Variants in BBIP1 observed in about 807,000 individuals in gnomAD.
BBIP1 encodes BBSome interacting protein 1, also known as BBSome-interacting protein 1.
Under a neutral mutation model 8.9 loss-of-function variants are expected in BBIP1, and 6 were observed. That is an observed-to-expected ratio of 0.67 (90% CI 0.37 to 1.33). BBIP1 has a LOEUF of 1.33. BBIP1 is among the 40% of genes most tolerant of loss of function. BBIP1 has a pLI of 0.02. For synonymous variants in BBIP1, 32 were observed against 33.4 expected, an observed-to-expected ratio of 0.96 and a Z score of 0.14; for missense variants, 111 against 109.2, an observed-to-expected ratio of 1.02 and a Z score of -0.07.
intron 2 of BBIP1, chr10:110,917,835 AT>A (rs1846458860): frequency 4.3e-6 from 2 of 466,190 alleles, no homozygotes; most frequent in South Asian, 4.7e-5. Flanking sequence ...GCTATTATAT[AT>A]ATATAACATA....
At chr10:110,905,616 AT>A (rs1846114165) in intron 2 of BBIP1, among the ~76,000 whole-genome samples, 1 of 152,154 alleles carries the variant, frequency 6.6e-6, no homozygotes, top group South Asian at 2.1e-4. Flanking sequence ...GGATAACCAA[AT>A]TAAATAATGG....
At chr10:110,912,348 C>T (rs1789482444) in intron 2 of BBIP1, 2 of 152,048 alleles carry the variant, frequency 1.3e-5, no homozygotes, top group South Asian at 4.1e-4. Flanking sequence ...TAGAAATATA[C>T]AACACTTTAA....
chr10:110,919,296 C>A, upstream of BBIP1: 1 of 327,372 alleles, frequency 3.1e-6, no homozygotes, highest in Non-Finnish European at 5.5e-6. Context: ...TCACTCTACC[C>A]TGCTGGAGGC....
intron 2 of BBIP1, among the ~76,000 whole-genome samples, chr10:110,909,688 T>G (rs1846229621): frequency 6.6e-6 from 1 of 152,198 alleles, no homozygotes; most frequent in Non-Finnish European, 1.5e-5. Context: ...TGGACAGAAA[T>G]TGTGAGTTAA....
At chr10:110,905,661 T>C (rs1281415231) in intron 2 of BBIP1, among the ~76,000 whole-genome samples, 2 of 152,142 alleles carry the variant, frequency 1.3e-5, no homozygotes, top group Non-Finnish European at 2.9e-5. Context: ...GAAGTGTCCT[T>C]CTGAACTTGG....
Position 110,899,962 on chromosome 10 carries a change from G to GTATC in BBIP1, c.*394_*397dup, listed in dbSNP as rs1845946893. The GTATC allele has an allele frequency of 6.3e-6, 1 of 159,346 alleles. No homozygotes were observed. Among genetic ancestry groups the GTATC allele is most frequent in the Non-Finnish European group, 1.4e-5 (1 of 73,184 alleles). The allele number at this position is 159,346 out of a possible 1,614,324, so 9.9% of individuals were successfully genotyped here. On this transcript the variant is annotated 3_prime_UTR_variant, in exon 4 of 4. Transcript: ENST00000448814. ...CAAACACTTTATGCAAGATTGGAAT[G>GTATC]TATCTTCAAATTCAGATTTAATAAA...
At chr10:110,904,032 A>G (rs1447704360) in intron 2 of BBIP1, 1 of 152,218 alleles carries the variant, frequency 6.6e-6, no homozygotes, top group Non-Finnish European at 1.5e-5. Flanking sequence ...TACAGACAGT[A>G]TTTCCTTCTC....
intron 2 of BBIP1, among the ~76,000 whole-genome samples, chr10:110,916,329 TA>T (rs1846400919): frequency 6.6e-6 from 1 of 152,224 alleles, no homozygotes. Context: ...CATGATCAAA[TA>T]TAAGTCTAGG....
chr10:110,903,201 T>C (rs1313559054), intron 2 of BBIP1: 3 of 152,210 alleles, frequency 2.0e-5, no homozygotes, highest in African/African-American at 7.2e-5. Flanking sequence ...AAACAACTCT[T>C]AGCTGTTATA....
intron 2 of BBIP1, among the ~76,000 whole-genome samples, chr10:110,914,896 A>C (rs773860436): frequency 3.2e-4 from 49 of 152,194 alleles, no homozygotes; most frequent in Middle Eastern, 3.2e-3. Context: ...AACCCTTCCT[A>C]TTTCAAAATT....
intron 2 of BBIP1, among the ~76,000 whole-genome samples, chr10:110,917,128 C>G (rs1329966390): frequency 1.4e-5 from 2 of 147,898 alleles, no homozygotes; most frequent in Non-Finnish European, 3.0e-5. Flanking sequence ...GCCAATGTCA[C>G]AGGGGGAAAA....
rs984212075 is a variant in BBIP1 at position 110,907,697 on chromosome 10, C to T, written c.38-6085G>A. ...TTCTTAACCTCGCTTGCTTGTATAC[C>T]CCTCCGATTGTCTTCAGGCATCTTG... On this transcript the variant is annotated intron_variant, in intron 2 of 3. Transcript: ENST00000448814. 7.2e-6 allele frequency: 5 copies of T among 695,810 alleles called. No homozygotes were observed. In the Admixed American group the frequency reaches 8.2e-5, roughly 11 times the overall value. The allele number at this position is 695,810 out of a possible 1,614,324, so 43.1% of individuals were successfully genotyped here. A position where few individuals can be genotyped will look rare whatever the true frequency, so the allele number is the denominator to read the frequency against.
chr10:110,903,377 G>A (rs1846052331), intron 2 of BBIP1: 1 of 152,292 alleles, frequency 6.6e-6, no homozygotes, highest in South Asian at 2.1e-4. Context: ...ACTGTAAAGG[G>A]TGTGGAGCCA....
In BBIP1 at chr10:110,900,361, C is replaced by T. The variant is rs777989008; in HGVS notation, c.278G>A (p.Ter93=). Residue 93 remains the stop codon, a stop_retained_variant, in exon 4 of 4, where the codon TGA becomes TAA. Coordinates refer to ENST00000448814, the MANE Select transcript of BBIP1 (RefSeq NM_001195305.3). ...AEKDQRQITH[*] ...TTCCCTAAAGTGCTCAGTTATCATT[C>T]AGTGGGTTATTTGCCGTTGATCCTT... 6 of 1,533,826 alleles carry T rather than the reference C, an allele frequency of 3.9e-6. No homozygotes were observed. The South Asian group carries it at 7.2e-5, about 18-fold the overall frequency.
chr10:110,904,939 TAC>T (rs746990628), intron 2 of BBIP1: 9 of 152,228 alleles, frequency 5.9e-5, no homozygotes, highest in Non-Finnish European at 1.3e-4. Context: ...GCTCACAGAA[TAC>T]AGTGTCAATT....
At chr10:110,917,584 CA>C (rs777248700) in intron 2 of BBIP1, among the ~76,000 whole-genome samples, 2 of 152,148 alleles carry the variant, frequency 1.3e-5, no homozygotes, top group African/African-American at 2.4e-5. Context: ...AAAGACTTCA[CA>C]GGGGAAACGT....
At position 110,901,601 on chromosome 10, in the gene BBIP1, T is replaced by C. The variant is rs1027009583; in HGVS notation, c.49A>G (p.Ile17Val). The part of the protein sequence containing the change: ...KRPELSGKNT[I>V]SNNSDMAEVK... Reference sequence around the variant, plus strand: ...TCTGCCATATCTGAGTTGTTGGATATAGTGTTTTTTCCTTCAATGAGAAAT... The same window carrying C: ...TCTGCCATATCTGAGTTGTTGGATACAGTGTTTTTTCCTTCAATGAGAAAT... Residue 17 changes from isoleucine (I) to valine (V), a missense_variant, in exon 3 of 4, where the codon ATA becomes GTA. By Grantham distance (29) the Ile-to-Val change is conservative (BLOSUM62 3). Coordinates refer to ENST00000448814, the MANE Select transcript of BBIP1 (RefSeq NM_001195305.3). The C allele has an allele frequency of 6.5e-7, 1 of 1,534,896 alleles. No homozygotes were observed. The highest frequency in any genetic ancestry group is 8.7e-7 in the Non-Finnish European group (1 of 1,145,934).
At chr10:110,901,272 A>G (rs1439455026) in intron 3 of BBIP1, 1 of 441,482 alleles carries the variant, frequency 2.3e-6, no homozygotes, top group Non-Finnish European at 4.2e-6. Flanking sequence ...CAGAGTGACA[A>G]CCTGTCTCTT....
chr10:110,916,896 G>T (rs1471138522), intron 2 of BBIP1, among the ~76,000 whole-genome samples: 1 of 152,180 alleles, frequency 6.6e-6, no homozygotes, highest in Admixed American at 6.5e-5. Context: ...CTGGAGAGGG[G>T]TAAGCATGCT....
Sources: allele counts gnomAD v4.1 joint callset (sites outside exome capture counted in the v4.1 genomes callset), GRCh38; gene constraint gnomAD v4.1.1; transcripts MANE v1.5; gene names NCBI Gene and HGNC (gene_info 2026-07-23, HGNC 2026-07-21).